VSX1: variants seen among roughly 807,000 people sequenced by gnomAD.
The protein encoded by VSX1 is visual system homeobox 1, also known as homeodomain protein RINX.
In VSX1, 23 loss-of-function variants were observed where a neutral mutation model predicts 23.6. The observed-to-expected ratio is 0.97, with a 90% CI of 0.70 to 1.38. The LOEUF (loss-of-function observed/expected upper bound fraction) is 1.38. Ranked by LOEUF, VSX1 falls within the 40% of genes most tolerant of loss-of-function variation. VSX1 has a pLI of 0.00. For synonymous variants in VSX1, 247 were observed against 215.1 expected (o/e 1.15, Z -1.30); for missense variants, 517 against 495.4 (o/e 1.04, Z -0.41).
chr20:25,075,952 G>A lies in VSX1; in HGVS notation c.*309C>T. The A allele has an allele frequency of 2.3e-6, 1 of 438,608 alleles. No homozygotes were observed. The highest frequency in any genetic ancestry group is 4.2e-6 in the Non-Finnish European group (1 of 237,364). 27.2% of individuals were successfully genotyped at this position (438,608 alleles called of 1,614,324 possible). On this transcript the variant is annotated 3_prime_UTR_variant, in exon 5 of 5. Transcript: ENST00000376709. ...GTACATTGAACCACACATCTCAAAT[G>A]ATGCCCAGCAGTGAAATCATTTTTG... is the stretch of plus-strand genomic sequence containing the variant.
At chr20:25,079,300 G>C in intron 2 of VSX1, 136 bp downstream of exon 2, 1 of 845,844 alleles carries the variant, frequency 1.2e-6, no homozygotes, top group Non-Finnish European at 1.8e-6. Context: ...AATGGCTTCT[G>C]TGCCCTTCCC....
downstream of VSX1, chr20:25,071,680 G>C (rs962293568): frequency 1.6e-6 from 1 of 629,734 alleles, no homozygotes; most frequent in Admixed American, 2.1e-5. Flanking sequence ...TAGCTGTCAT[G>C]ACTGCAGGTT....
At chr20:25,078,476 A>G in intron 3 of VSX1, 2 of 1,197,260 alleles carry the variant, frequency 1.7e-6, no homozygotes, top group South Asian at 2.0e-5. Context: ...AATATACTCC[A>G]CAAAGTAGAG....
Position 25,076,409 on chromosome 20 carries a change from G to A in VSX1, c.950C>T (p.Pro317Leu). ...AGCCACATCTTCCAAGCCATTCTCA[G>A]GGCTCACTTTATCTGAGCCTCTCTG... ...GSQRGSDKVSPENGLEDVAID... is the reference protein window; with the variant it reads ...GSQRGSDKVSLENGLEDVAID... Residue 317 changes from proline to leucine, a missense_variant, in exon 5 of 5, where the codon CCT (proline) becomes CTT (leucine). Coordinates refer to ENST00000376709, the MANE Select transcript of VSX1 (RefSeq NM_014588.6). The A allele has an allele frequency of 3.1e-6, 5 of 1,614,104 alleles. No individual in the cohort carries two copies. The highest frequency in any genetic ancestry group is 4.2e-6 in the Non-Finnish European group (5 of 1,180,028).
rs2089535983 is a variant in VSX1 at position 25,077,763 on chromosome 20, G to A, written c.730C>T (p.His244Tyr). Residue 244 changes from histidine (H) to tyrosine (Y), a missense_variant, in exon 4 of 5, where the codon CAC becomes TAC. Physicochemically the swap from His to Tyr is moderately conservative, Grantham distance 83. Transcript: ENST00000376709. Reference protein sequence around the residue: ...EYGLYGAMVRHCIPLPDSVLN... With the variant: ...EYGLYGAMVRYCIPLPDSVLN... ...ACGGAGTCTGGCAGCGGGATGCAGT[G>A]GCGCACCATGGCCCCGTACAGCCCG... The A allele has an allele frequency of 1.9e-6, 3 of 1,550,688 alleles. No individual in the cohort carries two copies. The African/African-American group carries it at 4.1e-5, about 21-fold the overall frequency.
intron 1 of VSX1, chr20:25,081,328 A>C: frequency 7.3e-6 from 4 of 546,918 alleles, no homozygotes; most frequent in Non-Finnish European, 7.0e-6. Context: ...CGCAGCTGCC[A>C]GAGGCGGAGA....
rs186087475 is a variant in VSX1, at chr20:25,077,972, T to C, written c.628-107A>G. The C allele has an allele frequency of 1.6e-4, 227 of 1,379,610 alleles. No homozygotes were observed. In the African/African-American group the frequency reaches 2.0e-3, roughly 12 times the overall value. 85.5% of individuals were successfully genotyped at this position (1,379,610 alleles called of 1,614,324 possible). A position where few individuals can be genotyped will look rare whatever the true frequency, so the allele number is the denominator to read the frequency against. ...GGGCTCGGATCTTCTCTCCCGAGCA[T>C]GATCCCATGCTATTTCTGAAGGAAA... On this transcript the variant is annotated intron_variant, in intron 3 of 4. Coordinates refer to ENST00000376709, the MANE Select transcript of VSX1 (RefSeq NM_014588.6).
At chr20:25,071,953 T>C (rs1160557095), downstream of VSX1, 1 of 652,772 alleles carries the variant, frequency 1.5e-6, no homozygotes, top group Non-Finnish European at 2.8e-6. Flanking sequence ...CACCACGGGG[T>C]CTGGGGAGCC....
downstream of VSX1, chr20:25,071,934 A>G (rs2089387409): frequency 1.5e-6 from 1 of 670,764 alleles, no homozygotes; most frequent in South Asian, 1.7e-5. Flanking sequence ...GCTGAAGGTC[A>G]TCAGGCACCA....
At position 25,076,361 on chromosome 20, in the gene VSX1, C is replaced by A. The variant is rs769904728; in HGVS notation, c.998G>T (p.Arg333Leu). 3 of 1,614,112 alleles carry A rather than the reference C, an allele frequency of 1.9e-6. No individual in the cohort carries two copies. Among genetic ancestry groups the A allele is most frequent in the Non-Finnish European group, 1.7e-6 (2 of 1,180,026 alleles). Residue 333 changes from arginine to leucine, a missense_variant, in exon 5 of 5, where the codon CGG becomes CTG. Arg to Leu is a moderately radical substitution (Grantham distance 102). Coordinates refer to ENST00000376709, the MANE Select transcript of VSX1 (RefSeq NM_014588.6). ...AGGGTGCACTTTCTTGGTCTCCTGC[C>A]GGGCAGAGCTGGAGAGGTCAATAGC... is the stretch of plus-strand genomic sequence containing the variant. The part of the protein sequence containing the change: ...DVAIDLSSSA[R>L]QETKKVHPGA...
Position 25,079,480 on chromosome 20 carries a change from T to A in VSX1, c.459A>T (p.Leu153=), listed in dbSNP as rs758211786. ...EDSQSEDRND[L]KASPTLGKRK... is the part of the protein sequence containing the mutation. ...TCTTGCCCAAGGTGGGGGATGCCTT[T>A]AGGTCATTCCTGTCTTCAGACTGGC... Residue 153 remains leucine (L), a synonymous_variant, in exon 2 of 5, where the codon CTA becomes CTT. Transcript: ENST00000376709. 2 of 1,613,006 alleles carry A rather than the reference T, an allele frequency of 1.2e-6. No individual in the cohort carries two copies. Among genetic ancestry groups the A allele is most frequent in the African/African-American group, 2.7e-5 (2 of 74,876 alleles).
rs2015238221 is a variant in VSX1, at chr20:25,076,029, C to T, written c.*232G>A. On this transcript the variant is annotated 3_prime_UTR_variant, in exon 5 of 5. Coordinates refer to ENST00000376709, the MANE Select transcript of VSX1 (RefSeq NM_014588.6). ...ACAAAAGAGAATCAAAAGTTTTGCA[C>T]CAAGTTAACTGGTTAAAGTGCCATT... The T allele has an allele frequency of 3.4e-6, 2 of 596,318 alleles. No individual in the cohort carries two copies. Among genetic ancestry groups the T allele is most frequent in the South Asian group, 2.0e-5 (1 of 49,580 alleles). 36.9% of individuals were successfully genotyped at this position (596,318 alleles called of 1,614,324 possible).
chr20:25,070,987 T>C, downstream of VSX1: 1 of 453,986 alleles, frequency 2.2e-6, no homozygotes, highest in Non-Finnish European at 4.4e-6. Flanking sequence ...AAAAAAAGTC[T>C]TAAAATGTCA....
At chr20:25,072,526 CA>C (rs1352905084), downstream of VSX1, 2 of 471,074 alleles carry the variant, frequency 4.2e-6, no homozygotes, top group South Asian at 3.1e-5. Context: ...GGGACAGACT[CA>C]GCCATCACCT....
chr20:25,078,529 G>C, intron 3 of VSX1: 1 of 1,337,138 alleles, frequency 7.5e-7, no homozygotes, highest in Non-Finnish European at 9.6e-7. Flanking sequence ...TTCAGGGTTT[G>C]AGATGGAGAG....
At chr20:25,079,933 C>T (rs1001758379) in intron 1 of VSX1, among the ~76,000 whole-genome samples, 6 of 152,098 alleles carry the variant, frequency 3.9e-5, no homozygotes, top group Non-Finnish European at 8.8e-5. Flanking sequence ...CACCCCTATG[C>T]CCCCAGCCTC....
rs1396943881 is a variant in VSX1 at position 25,081,335 on chromosome 20, G to A, written c.424+338C>T. ...CCGACCCACGCAGCTGCCAGAGGCG[G>A]AGACTGGCGCCTGGCGCTGGGGGGA... On this transcript the variant is annotated intron_variant, in intron 1 of 4. Coordinates refer to ENST00000376709, the MANE Select transcript of VSX1 (RefSeq NM_014588.6). 5.2e-6 allele frequency: 3 copies of A among 575,252 alleles called. No homozygotes were observed. The African/African-American group carries it at 5.5e-5, about 11-fold the overall frequency. The allele number at this position is 575,252 out of a possible 1,614,324, so 35.6% of individuals were successfully genotyped here. A position where few individuals can be genotyped will look rare whatever the true frequency, so the allele number is the denominator to read the frequency against.
chr20:25,081,056 C>G (rs1464544609), intron 1 of VSX1, among the ~76,000 whole-genome samples: 1 of 152,246 alleles, frequency 6.6e-6, no homozygotes, highest in Admixed American at 6.5e-5. Context: ...AGGCCAGGAA[C>G]ACATCTCTAG....
chr20:25,077,046 CCTAA>C (rs2089511704), intron 4 of VSX1, among the ~76,000 whole-genome samples: 1 of 152,212 alleles, frequency 6.6e-6, no homozygotes, highest in South Asian at 2.1e-4. Context: ...CCATGATCCT[CCTAA>C]CTAATTACCC....
Sources: gnomAD v4.1 joint callset for allele counts (sites outside exome capture counted in the v4.1 genomes callset) on GRCh38, gnomAD v4.1.1 for gene constraint, MANE v1.5 for transcripts, NCBI Gene and HGNC (gene_info 2026-07-23, HGNC 2026-07-21) for gene names.